Variants in HIVEP3 observed in about 807,000 individuals in gnomAD.
HIVEP3 encodes transcription factor HIVEP3.
Under a neutral mutation model 152.8 loss-of-function variants are expected in HIVEP3, and 49 were observed. That is an observed-to-expected ratio of 0.32 (90% CI 0.26 to 0.41). The LOEUF is 0.41. HIVEP3 is among the 10% of genes least tolerant of loss of function. HIVEP3 has a pLI of 1.00. For synonymous variants in HIVEP3, 1,269 were observed against 1,289.0 expected, an observed-to-expected ratio of 0.98 and a Z score of 0.33; for missense variants, 2,790 against 3,103.3, an observed-to-expected ratio of 0.90 and a Z score of 2.40.
At chr1:41,955,251 G>A (rs1540976) in intron 1 of HIVEP3, among the ~76,000 whole-genome samples, 63,375 of 151,856 alleles carry the variant, frequency 0.42, 15,307 homozygotes, top group East Asian at 0.71. Context: ...AGACTGGGTA[G>A]GGGTGGGGTG....
At chr1:41,935,775 A>T (rs908434815) in intron 1 of HIVEP3, among the ~76,000 whole-genome samples, 2 of 147,652 alleles carry the variant, frequency 1.4e-5, no homozygotes, top group Non-Finnish European at 3.0e-5. Flanking sequence ...AATATATATA[A>T]AATAAACTAC....
In HIVEP3 at chr1:41,635,476, C is replaced by CTATATATATATATA. The variant is rs371690921; in HGVS notation, c.-720-6543_-720-6530dup. Among the ~76,000 whole-genome samples the CTATATATATATATA allele has an allele frequency of 9.1e-5, 12 of 131,592 alleles. 2 individuals are homozygous for CTATATATATATATA. The highest frequency in any genetic ancestry group is 7.4e-4 in the South Asian group (3 of 4,058). The allele number at this position is 131,592 out of a possible 152,430, so 86.3% of individuals were successfully genotyped here. Reference sequence around the variant, plus strand: ...AGTGAGAAAATGACAGCAACCACAACTATATATATATATACACACACATAT... The same window carrying CTATATATATATATA: ...AGTGAGAAAATGACAGCAACCACAACTATATATATATATATATATATATATATACACACACATAT... On this transcript the variant is annotated intron_variant, in intron 2 of 8. Transcript: ENST00000372583.
At chr1:41,751,942 C>T (rs1002042751) in intron 1 of HIVEP3, among the ~76,000 whole-genome samples, 1 of 152,160 alleles carries the variant, frequency 6.6e-6, no homozygotes, top group South Asian at 2.1e-4. Context: ...GTGGAGGATC[C>T]AGGCCTGTTC....
rs1646501394 is a variant in HIVEP3 at position 41,710,763 on chromosome 1, C to T, written c.-800-9768G>A. Among the ~76,000 whole-genome samples, 3 of 152,200 alleles carry T rather than the reference C, an allele frequency of 2.0e-5. No individual in the cohort carries two copies. In the South Asian group the frequency reaches 6.2e-4, roughly 32 times the overall value. ...CTGTGTCCTGCCGTGGCCTCACACC[C>T]CAAGCCTGACTCCCCAATCCCTGTG... On this transcript the variant is annotated intron_variant, in intron 1 of 8. Coordinates refer to ENST00000372583, the MANE Select transcript of HIVEP3 (RefSeq NM_024503.5).
intron 1 of HIVEP3, among the ~76,000 whole-genome samples, chr1:41,830,689 T>C (rs1362618765): frequency 6.6e-6 from 1 of 152,232 alleles, no homozygotes; most frequent in Non-Finnish European, 1.5e-5. Context: ...CTCTGTAGCA[T>C]GGACTCAGGC....
At chr1:41,639,671 C>T (rs1055074155) in intron 2 of HIVEP3, among the ~76,000 whole-genome samples, 9 of 152,256 alleles carry the variant, frequency 5.9e-5, no homozygotes, top group East Asian at 3.9e-4. Flanking sequence ...GTCAGCCTTC[C>T]GGCTCTCACT....
chr1:41,656,368 A>T (rs1053319663), intron 2 of HIVEP3, among the ~76,000 whole-genome samples: 2 of 152,208 alleles, frequency 1.3e-5, no homozygotes, highest in African/African-American at 2.4e-5. Flanking sequence ...CAGGGGAGGG[A>T]ACTGGCAAAT....
At chr1:41,535,572 A>G (rs889941362) in intron 5 of HIVEP3, 1 of 152,254 alleles carries the variant, frequency 6.6e-6, no homozygotes, top group Non-Finnish European at 1.5e-5. Flanking sequence ...AGTGTCTGGA[A>G]GCAGCTTTCT....
intron 2 of HIVEP3, among the ~76,000 whole-genome samples, chr1:41,663,356 A>T (rs1166296576): frequency 6.6e-6 from 1 of 152,174 alleles, no homozygotes; most frequent in Non-Finnish European, 1.5e-5. Context: ...AGAGTGAGGT[A>T]AGTTAAGTGC....
chr1:41,656,005 C>A (rs939676837), intron 2 of HIVEP3, among the ~76,000 whole-genome samples: 1 of 152,184 alleles, frequency 6.6e-6, no homozygotes, highest in Non-Finnish European at 1.5e-5. Context: ...TGGCTCAGAG[C>A]CCTTTGGGTC....
chr1:41,548,352 G>A (rs1366038388), intron 5 of HIVEP3, among the ~76,000 whole-genome samples: 5 of 152,128 alleles, frequency 3.3e-5, no homozygotes, highest in African/African-American at 7.2e-5. Context: ...ACATGCCTGC[G>A]CTCTTGGCTC....
chr1:41,866,164 T>G (rs954024588), intron 1 of HIVEP3, among the ~76,000 whole-genome samples: 2 of 152,010 alleles, frequency 1.3e-5, no homozygotes, highest in African/African-American at 4.8e-5. Context: ...GTGGTCAAAG[T>G]GGGGGGTGCA....
At chr1:41,846,771 T>C (rs981880647) in intron 1 of HIVEP3, among the ~76,000 whole-genome samples, 1 of 152,274 alleles carries the variant, frequency 6.6e-6, no homozygotes, top group Non-Finnish European at 1.5e-5. Context: ...ATTTAATTCA[T>C]CTTTGTCTTC....
At chr1:41,981,198 T>C (rs1039566855) in intron 1 of HIVEP3, among the ~76,000 whole-genome samples, 4 of 152,190 alleles carry the variant, frequency 2.6e-5, no homozygotes, top group African/African-American at 9.6e-5. Context: ...AGAAGGTACG[T>C]GTCTCCAAAG....
chr1:41,753,774 C>A (rs1296226943), intron 1 of HIVEP3, among the ~76,000 whole-genome samples: 2 of 152,104 alleles, frequency 1.3e-5, no homozygotes, highest in Non-Finnish European at 2.9e-5. Context: ...CATTTTCATT[C>A]ATTCAGGTAT....
At chr1:41,685,618 A>G (rs1206616376) in intron 2 of HIVEP3, among the ~76,000 whole-genome samples, 2 of 152,234 alleles carry the variant, frequency 1.3e-5, no homozygotes, top group Non-Finnish European at 2.9e-5. Context: ...TCATGAACCC[A>G]GGTCCCCACC....
chr1:41,576,125 T>G (rs1243037796), intron 4 of HIVEP3, among the ~76,000 whole-genome samples: 1 of 152,180 alleles, frequency 6.6e-6, no homozygotes, highest in Admixed American at 6.5e-5. Flanking sequence ...GATGAACTGG[T>G]CCAGTTCTTG....
chr1:41,666,954 T>A (rs1645805143), intron 2 of HIVEP3, among the ~76,000 whole-genome samples: 1 of 152,302 alleles, frequency 6.6e-6, no homozygotes, highest in Non-Finnish European at 1.5e-5. Flanking sequence ...ATTTTGCACA[T>A]GCAGTTCCCT....
chr1:41,918,776 C>T lies in HIVEP3; in HGVS notation c.-1164G>A, dbSNP rs1354043774. 6.6e-6 allele frequency: 1 copy of T among 152,156 alleles called. No individual in the cohort carries two copies. Among genetic ancestry groups the T allele is most frequent in the Non-Finnish European group, 1.5e-5 (1 of 68,028 alleles). The allele number at this position is 152,156 out of a possible 1,614,324, so 9.4% of individuals were successfully genotyped here. ...AATAAATATAAATCACGATCAGAAA[C>T]CCAAACAGAAGCATCCCTCTTGAAT... On this transcript the variant is annotated 5_prime_UTR_variant, in exon 1 of 9. Transcript: ENST00000372583. The surrounding 1 kb of genome is among the most constrained non-coding windows in gnomAD (Gnocchi z 4.3).
Sources: gnomAD v4.1 joint callset for allele counts (sites outside exome capture counted in the v4.1 genomes callset) on GRCh38, gnomAD v4.1.1 for gene constraint, Gnocchi (gnomAD v3.1) non-coding constraint, MANE v1.5 for transcripts, NCBI Gene and HGNC (gene_info 2026-07-23, HGNC 2026-07-21) for gene names.